Variants in RSPH14 observed in about 807,000 individuals in gnomAD.
The protein encoded by RSPH14 is rhabdoid tumor deletion region gene 1.
In RSPH14, 20 loss-of-function variants were observed where a neutral mutation model predicts 26.7. That is an observed-to-expected ratio of 0.75 (90% CI 0.53 to 1.09). RSPH14 has a LOEUF of 1.09. RSPH14 is among the 50% of genes least tolerant of loss of function. The pLI, the probability that RSPH14 is intolerant of heterozygous loss-of-function variation, is 0.00. For missense variants in RSPH14, 449 were observed against 457.2 expected, an observed-to-expected ratio of 0.98 and a Z score of 0.16; for synonymous variants, 177 against 189.3, an observed-to-expected ratio of 0.93 and a Z score of 0.53.
At chr22:23,142,858 C>T (rs138912225), upstream of RSPH14, among the ~76,000 whole-genome samples, 55 of 152,346 alleles carry the variant, frequency 3.6e-4, 1 homozygote, top group East Asian at 0.01. Context: ...TGAGTCCAAA[C>T]TCCTAGCCTA....
the RSPH14 span, among the ~76,000 whole-genome samples, chr22:23,168,756 G>A: frequency 6.6e-6 from 1 of 152,086 alleles, no homozygotes; most frequent in Non-Finnish European, 1.5e-5. Flanking sequence ...CAGTGTCTAA[G>A]CCTGGGCCCC....
At chr22:23,111,555 G>A (rs1433350866) in intron 4 of RSPH14, among the ~76,000 whole-genome samples, 2 of 152,230 alleles carry the variant, frequency 1.3e-5, no homozygotes, top group East Asian at 1.9e-4. Flanking sequence ...AGACACCAAA[G>A]CACTCCAGGG....
intron 3 of RSPH14, among the ~76,000 whole-genome samples, chr22:23,137,462 A>G (rs985584203): frequency 6.6e-6 from 1 of 151,830 alleles, no homozygotes; most frequent in African/African-American, 2.4e-5. Flanking sequence ...TTCTGTGGGT[A>G]GAAGAGGCAG....
the RSPH14 span, chr22:23,162,514 C>T: frequency 2.4e-6 from 1 of 411,050 alleles, no homozygotes; most frequent in South Asian, 1.8e-5. Context: ...CTTTAGAGGA[C>T]TTCAGAGGCC....
chr22:23,169,989 T>C, the RSPH14 span, among the ~76,000 whole-genome samples: 14 of 151,248 alleles, frequency 9.3e-5, no homozygotes, highest in African/African-American at 2.9e-4. Context: ...CCCAGCTACT[T>C]GTGAGGCTGA....
intron 4 of RSPH14, chr22:23,123,035 C>G: frequency 8.2e-7 from 1 of 1,222,706 alleles, no homozygotes. Flanking sequence ...GGTCTAGGGT[C>G]TGTCTCTGCC....
At chr22:23,142,501 C>G (rs941862153), upstream of RSPH14, among the ~76,000 whole-genome samples, 1 of 152,198 alleles carries the variant, frequency 6.6e-6, no homozygotes, top group South Asian at 2.1e-4. Flanking sequence ...TCACACCCAG[C>G]TAATTTTTGT....
the RSPH14 span, chr22:23,157,945 C>G: frequency 6.2e-7 from 1 of 1,612,076 alleles, no homozygotes; most frequent in Non-Finnish European, 8.5e-7. Flanking sequence ...CCCCCTTGCT[C>G]GCCTCGCCTG....
At chr22:23,152,919 G>A in the RSPH14 span, 14 of 767,274 alleles carry the variant, frequency 1.8e-5, no homozygotes, top group South Asian at 3.2e-5. Context: ...GTGGACCATC[G>A]CTTCCTGATG....
intron 4 of RSPH14, among the ~76,000 whole-genome samples, chr22:23,103,002 A>T (rs1332704507): frequency 2.0e-5 from 3 of 152,062 alleles, no homozygotes; most frequent in Non-Finnish European, 4.4e-5. Flanking sequence ...TTGAGGGAGG[A>T]GGGAGGAGAG....
the RSPH14 span, chr22:23,155,921 T>C: frequency 1.3e-6 from 2 of 1,540,120 alleles, no homozygotes; most frequent in Middle Eastern, 1.7e-4. Context: ...GACACTGTGA[T>C]TGTGTAGCCT....
chr22:23,098,275 T>G (rs2069181804), intron 4 of RSPH14, among the ~76,000 whole-genome samples: 1 of 152,232 alleles, frequency 6.6e-6, no homozygotes, highest in South Asian at 2.1e-4. Context: ...ACCCCTGCCC[T>G]TATCCTCCAG....
In RSPH14 at chr22:23,123,219, A is replaced by G. The variant is rs759015647; in HGVS notation, c.421+10807T>C. The G allele has an allele frequency of 1.7e-5, 27 of 1,613,994 alleles. No homozygotes were observed. The East Asian group carries it at 4.9e-4, about 29-fold the overall frequency. On this transcript the variant is annotated intron_variant, in intron 4 of 6. Coordinates refer to ENST00000216036, the MANE Select transcript of RSPH14 (RefSeq NM_014433.3). ...GAAGATCCGCCGCATCCCGCTCACC[A>G]TCTGCTTTCCCGAGTACAAGGGCCA...
intron 3 of RSPH14, among the ~76,000 whole-genome samples, chr22:23,137,514 T>C (rs2070502836): frequency 1.3e-5 from 2 of 152,108 alleles, no homozygotes; most frequent in Admixed American, 6.5e-5. Context: ...TACTTAGAGC[T>C]TGATGGGCTC....
upstream of RSPH14, among the ~76,000 whole-genome samples, chr22:23,148,338 G>A (rs986184970): frequency 6.6e-6 from 1 of 152,170 alleles, no homozygotes; most frequent in Non-Finnish European, 1.5e-5. Flanking sequence ...TCTTTCTTGA[G>A]TCAAAAGGAA....
At chr22:23,179,967 G>T in the RSPH14 span, 1 of 313,818 alleles carries the variant, frequency 3.2e-6, no homozygotes, top group Non-Finnish European at 5.9e-6. Context: ...AGATCTGCCT[G>T]GTCTTGCAGA....
chr22:23,174,635 C>A, the RSPH14 span, among the ~76,000 whole-genome samples: 1 of 151,256 alleles, frequency 6.6e-6, no homozygotes, highest in Admixed American at 6.6e-5. Flanking sequence ...ACTCCTTATG[C>A]GCAGTTTATG....
chr22:23,114,484 G>A (rs1326448302), intron 4 of RSPH14, among the ~76,000 whole-genome samples: 1 of 151,806 alleles, frequency 6.6e-6, no homozygotes, highest in Non-Finnish European at 1.5e-5. Flanking sequence ...TCAGCCCCCA[G>A]AGGTCCAGTC....
intron 4 of RSPH14, chr22:23,131,354 G>T: frequency 4.5e-6 from 1 of 222,612 alleles, no homozygotes; most frequent in Non-Finnish European, 9.3e-6. Flanking sequence ...TGCATTTTGG[G>T]GACATAGTCA....
Sources: gnomAD v4.1 joint callset for allele counts (sites outside exome capture counted in the v4.1 genomes callset) on GRCh38, gnomAD v4.1.1 for gene constraint, MANE v1.5 for transcripts, NCBI Gene and HGNC (gene_info 2026-07-23, HGNC 2026-07-21) for gene names.